The following ANO5 variants were observed in gnomAD, a reference collection of about 807,000 sequenced individuals.
ANO5 encodes the protein anoctamin-5.
Under a neutral mutation model 121.0 loss-of-function variants are expected in ANO5, and 109 were observed. The ratio of observed to expected loss-of-function variants is 0.90; its 90% confidence interval spans 0.77 to 1.06. The LOEUF (loss-of-function observed/expected upper bound fraction) is 1.06. Among genes scored for constraint, ANO5 ranks in the 50% least tolerant of loss-of-function variants. The pLI is 0.00. For synonymous variants in ANO5, 406 were observed against 359.9 expected, an observed-to-expected ratio of 1.13 and a Z score of -1.45; for missense variants, 1,064 against 1,078.5, an observed-to-expected ratio of 0.99 and a Z score of 0.19.
At chr11:22,222,035 C>G (rs1467146886) in intron 5 of ANO5, among the ~76,000 whole-genome samples, 1 of 151,932 alleles carries the variant, frequency 6.6e-6, no homozygotes, top group African/African-American at 2.4e-5. Context: ...ACATTCCCTT[C>G]AAACCTCTTT....
At position 22,198,640 on chromosome 11, in the gene ANO5, G is replaced by T. The variant is rs180868698; in HGVS notation, c.40+5108G>T. Among the ~76,000 whole-genome samples, 4 of 152,238 alleles carry T rather than the reference G, an allele frequency of 2.6e-5. No homozygotes were observed. The East Asian group carries it at 5.8e-4, about 22-fold the overall frequency. ...TTTCAACTTTCTTTTTGTAAAAATA[G>T]AATTGTAAAACTCTTTAAACCTAGC... On this transcript the variant is annotated intron_variant, in intron 1 of 21. Transcript: ENST00000324559.
At position 22,280,058 on chromosome 11, in the gene ANO5, T is replaced by C. The variant is rs1000389500; in HGVS notation, c.*293T>C. 2.8e-6 allele frequency: 1 copy of C among 362,942 alleles called. No homozygotes were observed. The highest frequency in any genetic ancestry group is 4.5e-5 in the Admixed American group (1 of 22,444). 22.5% of individuals were successfully genotyped at this position (362,942 alleles called of 1,614,324 possible). On this transcript the variant is annotated 3_prime_UTR_variant, in exon 22 of 22. Coordinates refer to ENST00000324559, the MANE Select transcript of ANO5 (RefSeq NM_213599.3). ...CAGAATACTGGGAAATTATGGAGTC[T>C]TGCAGTTTAGTAAGAAACACTGGCC...
At chr11:22,204,570 A>T (rs770355885) in intron 2 of ANO5, among the ~76,000 whole-genome samples, 2 of 152,126 alleles carry the variant, frequency 1.3e-5, no homozygotes, top group African/African-American at 4.8e-5. Flanking sequence ...ACGTCCTTCT[A>T]GAATAGGTTG....
At chr11:22,243,306 T>G (rs1184216130) in intron 9 of ANO5, among the ~76,000 whole-genome samples, 1 of 152,068 alleles carries the variant, frequency 6.6e-6, no homozygotes, top group African/African-American at 2.4e-5. Flanking sequence ...TGCTCCTGGA[T>G]TTGGTTTTCT....
At chr11:22,257,651 A>AT in intron 13 of ANO5, 29 bp from the exon 14 acceptor site, 1 of 1,563,598 alleles carries the variant, frequency 6.4e-7, no homozygotes, top group Non-Finnish European at 8.8e-7. Context: ...GAGATTTTGA[A>AT]TTTCTTTGTG....
intron 9 of ANO5, 77 bp from the exon 10 acceptor site, chr11:22,250,160 C>T (rs1853756548): frequency 3.7e-6 from 5 of 1,363,708 alleles, no homozygotes; most frequent in Non-Finnish European, 5.1e-6. Flanking sequence ...GAATATATGC[C>T]TGTCTGAATA....
chr11:22,218,436 C>A, intron 4 of ANO5, 149 bp downstream of exon 4: 2 of 1,042,818 alleles, frequency 1.9e-6, no homozygotes, highest in South Asian at 1.3e-5. Context: ...AATAGTGATT[C>A]TTAATTTGTT....
chr11:22,262,836 C>A, intron 16 of ANO5, 110 bp from the exon 17 acceptor site: 1 of 883,750 alleles, frequency 1.1e-6, no homozygotes, highest in Non-Finnish European at 1.9e-6. Context: ...TTAACCCTTC[C>A]AACCAAAACC....
chr11:22,234,320 C>G (rs1853144264), intron 7 of ANO5, among the ~76,000 whole-genome samples: 1 of 152,046 alleles, frequency 6.6e-6, no homozygotes, highest in African/African-American at 2.4e-5. Context: ...TATCTCATCC[C>G]TTCTTAAAAT....
chr11:22,202,984 G>A (rs75587505), intron 1 of ANO5, among the ~76,000 whole-genome samples: 12,317 of 152,136 alleles, frequency 0.081, 540 homozygotes, highest in South Asian at 0.11. Context: ...TTTTGGTGTA[G>A]GAGAGACATT....
At chr11:22,227,270 C>T in intron 6 of ANO5, 32 bp from the exon 7 acceptor site, 5 of 1,607,084 alleles carry the variant, frequency 3.1e-6, no homozygotes, top group South Asian at 1.1e-5. Flanking sequence ...GATCAGTAAG[C>T]TTTCTGCTGT....
At chr11:22,208,026 T>C (rs1341901654) in intron 2 of ANO5, among the ~76,000 whole-genome samples, 3 of 151,942 alleles carry the variant, frequency 2.0e-5, no homozygotes, top group Non-Finnish European at 4.4e-5. Context: ...ATAGTGACAA[T>C]ACAACTTACT....
At chr11:22,274,542 C>T (rs750029320) in intron 19 of ANO5, 27 bp from the exon 20 acceptor site, 4 of 1,544,506 alleles carry the variant, frequency 2.6e-6, no homozygotes, top group Non-Finnish European at 3.5e-6. Context: ...AGCTGATGAT[C>T]TTCCTCTTTT....
intron 1 of ANO5, among the ~76,000 whole-genome samples, chr11:22,202,625 G>C (rs952741830): frequency 3.9e-5 from 6 of 152,044 alleles, no homozygotes; most frequent in African/African-American, 1.2e-4. Flanking sequence ...TCTTCTTACT[G>C]TGTCTTCACA....
intron 9 of ANO5, among the ~76,000 whole-genome samples, chr11:22,242,820 C>G (rs1853477783): frequency 6.6e-6 from 1 of 152,000 alleles, no homozygotes; most frequent in Admixed American, 6.6e-5. Context: ...TTAGGGTTTT[C>G]TAGGTGTAGA....
intron 3 of ANO5, among the ~76,000 whole-genome samples, chr11:22,217,562 T>C (rs1255951415): frequency 6.6e-6 from 1 of 152,072 alleles, no homozygotes; most frequent in Non-Finnish European, 1.5e-5. Context: ...TTTATATTTT[T>C]ATTATTTTCA....
At chr11:22,270,208 A>G in intron 17 of ANO5, 104 bp from the exon 18 acceptor site, 2 of 1,420,776 alleles carry the variant, frequency 1.4e-6, no homozygotes, top group Admixed American at 1.9e-5. Flanking sequence ...ATCTTAAGTT[A>G]TTTAATCTCT....
At chr11:22,211,008 A>G (rs960920829) in intron 2 of ANO5, among the ~76,000 whole-genome samples, 3 of 151,894 alleles carry the variant, frequency 2.0e-5, no homozygotes, top group African/African-American at 7.2e-5. Context: ...TTCTCTCTGA[A>G]GCTCACTCTC....
chr11:22,216,150 A>G (rs1429867383), intron 3 of ANO5, among the ~76,000 whole-genome samples: 1 of 151,866 alleles, frequency 6.6e-6, no homozygotes, highest in Non-Finnish European at 1.5e-5. Context: ...ATGAACATTC[A>G]TGTAAGAAGT....
Sources: allele counts gnomAD v4.1 joint callset (sites outside exome capture counted in the v4.1 genomes callset), GRCh38; gene constraint gnomAD v4.1.1; transcripts MANE v1.5; gene names NCBI Gene and HGNC (gene_info 2026-07-23, HGNC 2026-07-21).